Variants in SPOCK3 observed in about 807,000 individuals in gnomAD.
The protein encoded by SPOCK3 is SPARC (osteonectin), cwcv and kazal like domains proteoglycan 3, also known as testican-3.
In SPOCK3, 30 loss-of-function variants were observed where a neutral mutation model predicts 56.6. The ratio of observed to expected loss-of-function variants is 0.53; its 90% CI spans 0.40 to 0.72. SPOCK3 has a LOEUF of 0.72. Ranked by LOEUF, SPOCK3 falls within the 30% of genes least tolerant of loss-of-function variation. The pLI, the probability that SPOCK3 is intolerant of heterozygous loss-of-function variation, is 0.00. For missense variants in SPOCK3, 527 were observed against 530.0 expected, an observed-to-expected ratio of 0.99 and a Z score of 0.06; for synonymous variants, 196 against 183.3, an observed-to-expected ratio of 1.07 and a Z score of -0.56.
At chr4:166,812,378 A>G (rs1341099915) in intron 6 of SPOCK3, among the ~76,000 whole-genome samples, 1 of 151,980 alleles carries the variant, frequency 6.6e-6, no homozygotes, top group Non-Finnish European at 1.5e-5. Context: ...AGTAAAGTTA[A>G]CATAAGAATT....
At chr4:166,829,367 T>C (rs1745806722) in intron 6 of SPOCK3, among the ~76,000 whole-genome samples, 1 of 152,092 alleles carries the variant, frequency 6.6e-6, no homozygotes, top group African/African-American at 2.4e-5. Context: ...GTATTTTCTT[T>C]TGTAAATAGG....
chr4:167,100,255 C>G (rs1759519750), intron 2 of SPOCK3, among the ~76,000 whole-genome samples: 1 of 152,150 alleles, frequency 6.6e-6, no homozygotes, highest in Non-Finnish European at 1.5e-5. Context: ...TCCTCTCTTT[C>G]TCTGACTGAC....
chr4:166,848,829 C>G (rs1748374092), intron 6 of SPOCK3, among the ~76,000 whole-genome samples: 3 of 152,106 alleles, frequency 2.0e-5, no homozygotes, highest in Admixed American at 2.0e-4. Flanking sequence ...TTTTGTTACT[C>G]CCTTAGTTCC....
intron 2 of SPOCK3, among the ~76,000 whole-genome samples, chr4:167,082,253 T>A (rs1003066293): frequency 1.3e-5 from 2 of 152,122 alleles, no homozygotes; most frequent in African/African-American, 4.8e-5. Context: ...TTATGTAGTA[T>A]AAGTTAGTCA....
At chr4:166,764,121 CTCATCT>C (rs1456373345) in intron 7 of SPOCK3, among the ~76,000 whole-genome samples, 1 of 151,962 alleles carries the variant, frequency 6.6e-6, no homozygotes, top group Admixed American at 6.6e-5. Flanking sequence ...GGTCACTTTC[CTCATCT>C]TCAAAGCCAT....
chr4:167,049,108 C>CT (rs34903732), intron 3 of SPOCK3, among the ~76,000 whole-genome samples: 38,549 of 143,972 alleles, frequency 0.27, 6,270 homozygotes, highest in African/African-American at 0.48. Flanking sequence ...TTTTCTTTTT[C>CT]TTTTTTTTTT....
intron 3 of SPOCK3, among the ~76,000 whole-genome samples, chr4:167,009,458 G>A (rs924192011): frequency 1.3e-5 from 2 of 152,146 alleles, no homozygotes; most frequent in African/African-American, 4.8e-5. Context: ...CACATTGGTG[G>A]TGAGGTTTTA....
At chr4:167,206,295 G>A (rs1352198278) in intron 2 of SPOCK3, among the ~76,000 whole-genome samples, 3 of 151,990 alleles carry the variant, frequency 2.0e-5, no homozygotes, top group Non-Finnish European at 4.4e-5. Context: ...TTGCACTCCA[G>A]CCTGAGCGAC....
chr4:166,772,158 G>A (rs965737978), intron 7 of SPOCK3, among the ~76,000 whole-genome samples: 1 of 152,016 alleles, frequency 6.6e-6, no homozygotes, highest in African/African-American at 2.4e-5. Context: ...AACATAAACA[G>A]TAATGATTTA....
At chr4:166,901,371 T>C (rs1736029289) in intron 5 of SPOCK3, among the ~76,000 whole-genome samples, 1 of 152,180 alleles carries the variant, frequency 6.6e-6, no homozygotes, top group African/African-American at 2.4e-5. Context: ...CTGAACGATA[T>C]AGGTCCCACC....
At position 167,062,887 on chromosome 4, in the gene SPOCK3, T is replaced by C. The variant is rs202156937; in HGVS notation, c.190-350A>G. 3.3e-5 allele frequency among the ~76,000 whole-genome samples: 5 copies of C among 151,980 alleles called. No individual in the cohort carries two copies. The East Asian group carries it at 7.7e-4, about 24-fold the overall frequency. On this transcript the variant is annotated intron_variant, in intron 2 of 10. Transcript: ENST00000357545. ...TTCAATTACAATTCAGTGCATAATA[T>C]AACATGCAGATAATTACCTAAAGCT...
chr4:166,840,796 T>TTTTA (rs1747187834), intron 6 of SPOCK3, among the ~76,000 whole-genome samples: 2 of 147,640 alleles, frequency 1.4e-5, no homozygotes, highest in Admixed American at 1.4e-4. Context: ...TTTTTTTTTT[T>TTTTA]TAGATGCAGT....
chr4:167,059,418 C>T, intron 3 of SPOCK3, among the ~76,000 whole-genome samples: 1 of 152,006 alleles, frequency 6.6e-6, no homozygotes, highest in East Asian at 1.9e-4. Context: ...CCATCACTGG[C>T]CATCAGAGAA....
chr4:166,911,700 A>C (rs1737293867), intron 5 of SPOCK3, among the ~76,000 whole-genome samples: 3 of 151,508 alleles, frequency 2.0e-5, no homozygotes, highest in African/African-American at 7.3e-5. Flanking sequence ...ACCATGCCTG[A>C]TGCATTTTTG....
At chr4:166,753,574 G>C (rs193105044) in intron 8 of SPOCK3, among the ~76,000 whole-genome samples, 5 of 151,966 alleles carry the variant, frequency 3.3e-5, no homozygotes, top group Admixed American at 6.6e-5. Context: ...ATGTGGAAAA[G>C]TTATTGAGAT....
At chr4:167,119,908 A>AAAGG (rs755337892) in intron 2 of SPOCK3, 7 of 1,372,902 alleles carry the variant, frequency 5.1e-6, no homozygotes, top group African/African-American at 1.5e-5. Flanking sequence ...AAAAAAGAAA[A>AAAGG]AAGGAAAGAA....
At position 166,939,294 on chromosome 4, in the gene SPOCK3, C is replaced by CT. The variant is rs563333528; in HGVS notation, c.351-26552dup. 1.2e-3 allele frequency among the ~76,000 whole-genome samples: 189 copies of CT among 151,794 alleles called. No homozygotes were observed. In the Middle Eastern group the frequency reaches 0.017, roughly 14 times the overall value. On this transcript the variant is annotated intron_variant, in intron 4 of 10. Coordinates refer to ENST00000357545, the MANE Select transcript of SPOCK3 (RefSeq NM_001040159.2). ...ATCATACCCATAACTTGGATTCATT[C>CT]TTTTTTTTCATTTATTCTTTCCATA...
intron 4 of SPOCK3, among the ~76,000 whole-genome samples, chr4:166,932,704 G>A (rs924187774): frequency 4.6e-5 from 7 of 152,124 alleles, no homozygotes; most frequent in Non-Finnish European, 5.9e-5. Flanking sequence ...AACCTCATGA[G>A]AATGTAGTCT....
chr4:167,003,760 A>C (rs1265870239), intron 3 of SPOCK3, among the ~76,000 whole-genome samples: 1 of 152,228 alleles, frequency 6.6e-6, no homozygotes, highest in African/African-American at 2.4e-5. Context: ...CTTTCTGGTC[A>C]GTGTAAACTA....
Sources: gnomAD v4.1 joint callset for allele counts (sites outside exome capture counted in the v4.1 genomes callset) on GRCh38, gnomAD v4.1.1 for gene constraint, MANE v1.5 for transcripts, NCBI Gene and HGNC (gene_info 2026-07-23, HGNC 2026-07-21) for gene names.